TMEM165: variants seen among roughly 807,000 people sequenced by gnomAD.
TMEM165 encodes the protein transmembrane protein 165.
In TMEM165, 19 loss-of-function variants were observed where a neutral mutation model predicts 30.0. The observed-to-expected ratio is 0.63, with a 90% CI of 0.44 to 0.93. The LOEUF (loss-of-function observed/expected upper bound fraction) is 0.93. Ranked by LOEUF, TMEM165 falls within the 40% of genes least tolerant of loss-of-function variation. TMEM165 has a pLI of 0.00. For missense variants in TMEM165, 340 were observed against 417.0 expected, an observed-to-expected ratio of 0.82 and a Z score of 1.61; for synonymous variants, 168 against 162.9, an observed-to-expected ratio of 1.03 and a Z score of -0.24.
chr4:55,414,813 T>C (rs1476142302), intron 2 of TMEM165, among the ~76,000 whole-genome samples: 1 of 152,188 alleles, frequency 6.6e-6, no homozygotes, highest in Non-Finnish European at 1.5e-5. Flanking sequence ...CTGTTCCCCA[T>C]TTTTTGTTTG....
chr4:55,397,773 G>T (rs574920611), intron 1 of TMEM165, among the ~76,000 whole-genome samples: 1 of 149,356 alleles, frequency 6.7e-6, no homozygotes, highest in Non-Finnish European at 1.5e-5. Flanking sequence ...TTGAGACAGG[G>T]TCTCGCTCTG....
intron 3 of TMEM165, among the ~76,000 whole-genome samples, chr4:55,452,054 T>A (rs1724506423): frequency 6.6e-6 from 1 of 152,206 alleles, no homozygotes; most frequent in Non-Finnish European, 1.5e-5. Flanking sequence ...AAAAATACTG[T>A]GGTAGGCAAT....
At chr4:55,396,608 A>G (rs1720740927) in intron 1 of TMEM165, among the ~76,000 whole-genome samples, 2 of 152,180 alleles carry the variant, frequency 1.3e-5, no homozygotes, top group African/African-American at 2.4e-5. Context: ...GGAGAGTCCA[A>G]GAGGAGCCCG....
intron 4 of TMEM165, among the ~76,000 whole-genome samples, chr4:55,420,146 T>TA (rs375498267): frequency 0.03 from 1,251 of 41,076 alleles, 174 homozygotes; most frequent in East Asian, 0.12. Context: ...TATTTATTTA[T>TA]TTTATTTATT....
intron 3 of TMEM165, among the ~76,000 whole-genome samples, chr4:55,445,622 A>C: frequency 1.4e-5 from 1 of 70,834 alleles, no homozygotes; most frequent in Admixed American, 2.4e-4. Context: ...ACAGGATCTC[A>C]CTCTGTCACC....
intron 1 of TMEM165, among the ~76,000 whole-genome samples, chr4:55,399,600 G>GTGTA (rs1307328836): frequency 2.0e-5 from 3 of 152,206 alleles, no homozygotes; most frequent in Non-Finnish European, 2.9e-5. Context: ...ATGATGGTAG[G>GTGTA]TGTAGAGCTA....
At chr4:55,433,252 A>C (rs1722639754) in intron 3 of TMEM165, 1 of 152,632 alleles carries the variant, frequency 6.6e-6, no homozygotes, top group Non-Finnish European at 1.5e-5. Flanking sequence ...GAATGTGGGA[A>C]ATCTCTACTG....
intron 3 of TMEM165, among the ~76,000 whole-genome samples, chr4:55,446,327 A>ACC (rs1455024345): frequency 1.3e-5 from 2 of 151,984 alleles, no homozygotes; most frequent in African/African-American, 4.8e-5. Context: ...GAGCTCAGGC[A>ACC]ATCCTCCCAC....
chr4:55,404,122 C>G (rs1560388491), intron 1 of TMEM165, among the ~76,000 whole-genome samples: 1 of 150,114 alleles, frequency 6.7e-6, no homozygotes, highest in Non-Finnish European at 1.5e-5. Context: ...TGGCACACTG[C>G]AACCTCAGCC....
Position 55,445,555 on chromosome 4 carries a change from GCT to G in TMEM165, c.409-6679_409-6678del, listed in dbSNP as rs553267676. Among the ~76,000 whole-genome samples the G allele has an allele frequency of 7.3e-5, 10 of 136,700 alleles. No individual in the cohort carries two copies. In the South Asian group the frequency reaches 2.5e-3, roughly 34 times the overall value. The allele number at this position is 136,700 out of a possible 152,430, so 89.7% of individuals were successfully genotyped here. A position where few individuals can be genotyped will look rare whatever the true frequency, so the allele number is the denominator to read the frequency against. On this transcript the variant is annotated intron_variant, in intron 3 of 3. Coordinates refer to the TMEM165 transcript ENST00000608091. Reference sequence around the variant, plus strand: ...TCCATCTACCTTACAGCTAGTGGTTGCTCTCTGCATCTGCTATTTCTATATTC... The same window carrying G: ...TCCATCTACCTTACAGCTAGTGGTTGCTCTGCATCTGCTATTTCTATATTC...
intron 4 of TMEM165, among the ~76,000 whole-genome samples, chr4:55,421,166 CAAAAAAAAAA>C (rs71194559): frequency 2.4e-5 from 2 of 83,496 alleles, no homozygotes; most frequent in Non-Finnish European, 4.6e-5. Context: ...GATTCCATCT[CAAAAAAAAAA>C]AAAAAAAAAA....
intron 2 of TMEM165, among the ~76,000 whole-genome samples, chr4:55,413,576 A>G (rs1257289039): frequency 6.6e-6 from 1 of 152,240 alleles, no homozygotes; most frequent in East Asian, 1.9e-4. Context: ...TGGCCTCCCA[A>G]AGTGCTGCGA....
At chr4:55,399,454 T>A (rs888602725) in intron 1 of TMEM165, among the ~76,000 whole-genome samples, 1 of 152,196 alleles carries the variant, frequency 6.6e-6, no homozygotes. Context: ...GCCCTGTCAT[T>A]TACCCCAGTA....
At chr4:55,404,605 TA>T (rs1721197230) in intron 1 of TMEM165, among the ~76,000 whole-genome samples, 1 of 143,710 alleles carries the variant, frequency 7.0e-6, no homozygotes, top group African/African-American at 3.0e-5. Flanking sequence ...TTATTTATTT[TA>T]TTTTTTTTTT....
In TMEM165 at chr4:55,444,492, G is replaced by C. The variant is rs1043113324; in HGVS notation, c.409-7747G>C. ...GAGACTGTAAGTATAATCATACTGA[G>C]TAGGTAACCAGTGAATATTTATTGA... On this transcript the variant is annotated intron_variant, in intron 3 of 3. Transcript: ENST00000608091. 5.1e-5 allele frequency: 48 copies of C among 948,268 alleles called. 1 individual carries two copies. In the South Asian group the frequency reaches 6.3e-4, roughly 12 times the overall value. The allele number at this position is 948,268 out of a possible 1,614,324, so 58.7% of individuals were successfully genotyped here.
chr4:55,405,007 A>G (rs910713990), intron 1 of TMEM165, among the ~76,000 whole-genome samples: 4 of 152,208 alleles, frequency 2.6e-5, no homozygotes, highest in African/African-American at 9.6e-5. Context: ...GTGATGCTTT[A>G]GTTGCTGCCT....
chr4:55,425,185 T>G (rs1419138573), intron 5 of TMEM165, among the ~76,000 whole-genome samples, 191 bp from the exon 6 acceptor site: 1 of 152,252 alleles, frequency 6.6e-6, no homozygotes, highest in Non-Finnish European at 1.5e-5. Context: ...TGATTCTTAG[T>G]GTTCACAGTC....
chr4:55,425,155 A>G, intron 5 of TMEM165, among the ~76,000 whole-genome samples: 1 of 152,198 alleles, frequency 6.6e-6, no homozygotes, highest in East Asian at 1.9e-4. Context: ...TCATTTCTCA[A>G]AACAGTGCTG....
rs376296835 is a variant in TMEM165, at chr4:55,425,497, A to G, written c.*45A>G. The G allele has an allele frequency of 2.1e-6, 3 of 1,431,552 alleles. No individual in the cohort carries two copies. The highest frequency in any genetic ancestry group is 2.9e-6 in the Non-Finnish European group (3 of 1,017,014). The allele number at this position is 1,431,552 out of a possible 1,614,324, so 88.7% of individuals were successfully genotyped here. A position where few individuals can be genotyped will look rare whatever the true frequency, so the allele number is the denominator to read the frequency against. ...TATTTAGTTTAAAATAGGTAGTATT[A>G]TCTTTCTGTACATAGTGTACATTAC... On this transcript the variant is annotated 3_prime_UTR_variant, in exon 6 of 6. Transcript: ENST00000381334.
Sources: gnomAD v4.1 joint callset for allele counts (sites outside exome capture counted in the v4.1 genomes callset) on GRCh38, gnomAD v4.1.1 for gene constraint, MANE v1.5 for transcripts, NCBI Gene and HGNC (gene_info 2026-07-23, HGNC 2026-07-21) for gene names.